Variants in UNKL observed in about 807,000 individuals in gnomAD.
UNKL encodes the protein unk like zinc finger.
Under a neutral mutation model 78.0 loss-of-function variants are expected in UNKL, and 60 were observed. That is an observed-to-expected ratio of 0.77 (90% CI 0.63 to 0.95). The LOEUF (loss-of-function observed/expected upper bound fraction) is 0.95. Ranked by LOEUF, UNKL falls within the 40% of genes least tolerant of loss-of-function variation. The pLI is 0.00. For missense variants in UNKL, 1,159 were observed against 1,045.7 expected, an observed-to-expected ratio of 1.11 and a Z score of -1.49; for synonymous variants, 608 against 474.8, an observed-to-expected ratio of 1.28 and a Z score of -3.65.
At chr16:1,411,717 C>T (rs1023889170) in intron 2 of UNKL, among the ~76,000 whole-genome samples, 2 of 151,890 alleles carry the variant, frequency 1.3e-5, no homozygotes, top group African/African-American at 2.4e-5. Flanking sequence ...CCCAGCTACT[C>T]GGGAGGCTGA....
Position 1,366,111 on chromosome 16 carries a change from G to C in UNKL, c.*129C>G, listed in dbSNP as rs972711429. 2 of 1,166,004 alleles carry C rather than the reference G, an allele frequency of 1.7e-6. No individual in the cohort carries two copies. Among genetic ancestry groups the C allele is most frequent in the South Asian group, 2.0e-5 (1 of 50,558 alleles). 72.2% of individuals were successfully genotyped at this position (1,166,004 alleles called of 1,614,324 possible). A position where few individuals can be genotyped will look rare whatever the true frequency, so the allele number is the denominator to read the frequency against. On this transcript the variant is annotated 3_prime_UTR_variant, in exon 15 of 15. Transcript: ENST00000389221. ...GCGGGGCTCCCAGCCTCATGATAAC[G>C]TGTAACAGGAAGGGCTCCCAGCCTC...
chr16:1,410,159 G>A (rs544567374), intron 2 of UNKL, among the ~76,000 whole-genome samples: 10 of 152,228 alleles, frequency 6.6e-5, no homozygotes, highest in Admixed American at 4.6e-4. Flanking sequence ...CCAGCACTTT[G>A]GGAGGCTAAG....
intron 11 of UNKL, among the ~76,000 whole-genome samples, chr16:1,370,854 C>A (rs1394519168): frequency 6.6e-6 from 1 of 152,152 alleles, no homozygotes; most frequent in South Asian, 2.1e-4. Flanking sequence ...GAGGCCAAGG[C>A]GGGCAGATCA....
At position 1,363,356 on chromosome 16, in the gene UNKL, C is replaced by T. The variant is rs1205668717; in HGVS notation, c.*2884G>A. The T allele has an allele frequency of 4.3e-6, 2 of 467,884 alleles. No individual in the cohort carries two copies. The highest frequency in any genetic ancestry group is 7.9e-6 in the Non-Finnish European group (2 of 254,610). 29.0% of individuals were successfully genotyped at this position (467,884 alleles called of 1,614,324 possible). The stretch of plus-strand genomic sequence containing the variant: ...AGTAAATGATTATAAATACTACCTT[C>T]TGGGTTAAGAAAATTCCATTCAAAT... On this transcript the variant is annotated 3_prime_UTR_variant, in exon 15 of 15. Transcript: ENST00000389221.
chr16:1,370,201 G>T lies in UNKL; in HGVS notation c.1514C>A (p.Pro505His), dbSNP rs761452264. Residue 505 changes from proline (P) to histidine (H), a missense_variant, in exon 12 of 15, where the codon CCC becomes CAC. Coordinates refer to ENST00000389221, the MANE Select transcript of UNKL (RefSeq NM_001372107.1). ...GPVGSSAMTP[P>H]QQPPPLRSEP... ...TGAACGCAGGGGTGGCGGCTGCTGG[G>T]GAGGCGTCATGGCTGAGGAGCCCAC... 1.3e-6 allele frequency: 2 copies of T among 1,524,338 alleles called. No individual in the cohort carries two copies. The highest frequency in any genetic ancestry group is 1.2e-5 in the South Asian group (1 of 82,574). The allele number at this position is 1,524,338 out of a possible 1,614,324, so 94.4% of individuals were successfully genotyped here. A position where few individuals can be genotyped will look rare whatever the true frequency, so the allele number is the denominator to read the frequency against.
chr16:1,379,864 G>A (rs1484789847), intron 10 of UNKL, among the ~76,000 whole-genome samples: 6 of 152,176 alleles, frequency 3.9e-5, no homozygotes, highest in Non-Finnish European at 7.4e-5. Flanking sequence ...GCGGGCAGCG[G>A]GGGCCAGAGG....
chr16:1,397,191 T>C lies in UNKL; in HGVS notation c.839A>G (p.Gln280Arg). The C allele has an allele frequency of 6.5e-7, 1 of 1,547,494 alleles. No individual in the cohort carries two copies. Among genetic ancestry groups the C allele is most frequent in the African/African-American group, 1.4e-5 (1 of 73,152 alleles). ...CQYCHSRTEQ[Q>R]FHPEIYKSTK... Reference sequence around the variant, plus strand: ...GGAGGGACGTACCTCGGGATGGAACTGCTGCTCCGTGCGGGAGTGGCAATA... The same window carrying C: ...GGAGGGACGTACCTCGGGATGGAACCGCTGCTCCGTGCGGGAGTGGCAATA... Residue 280 changes from glutamine to arginine, a missense_variant, in exon 6 of 15, where the codon CAG becomes CGG. Physicochemically the swap from Gln to Arg is conservative, Grantham distance 43. Coordinates refer to ENST00000389221, the MANE Select transcript of UNKL (RefSeq NM_001372107.1).
At position 1,394,156 on chromosome 16, in the gene UNKL, G is replaced by A; in HGVS notation, c.912C>T (p.Pro304=). 6.4e-7 allele frequency: 1 copy of A among 1,550,738 alleles called. No homozygotes were observed. The highest frequency in any genetic ancestry group is 8.7e-7 in the Non-Finnish European group (1 of 1,147,020). ...MRQTGYCPRG[P]FCAFAHVEKS... is the part of the protein sequence containing the mutation. ...TCTCAACGTGTGCAAAGGCACAGAA[G>A]GGGCCGCGCGGGCAGTACCCGGTTT... The change falls in exon 7 of 15, where the codon CCC becomes CCT. Residue 304 remains proline, a synonymous_variant. Transcript: ENST00000389221.
chr16:1,368,970 C>A (rs993400471), intron 12 of UNKL, among the ~76,000 whole-genome samples: 2 of 151,682 alleles, frequency 1.3e-5, no homozygotes, highest in Non-Finnish European at 2.9e-5. Flanking sequence ...TGGTCTTGAA[C>A]CCCTGGCCTC....
At chr16:1,398,679 G>GCGGCGC in intron 5 of UNKL, 1 of 1,356,386 alleles carries the variant, frequency 7.4e-7, no homozygotes, top group African/African-American at 1.5e-5. Flanking sequence ...TGTGGGGTCT[G>GCGGCGC]CACCCCCCCA....
At chr16:1,380,901 C>G (rs971599046) in intron 10 of UNKL, among the ~76,000 whole-genome samples, 1 of 152,110 alleles carries the variant, frequency 6.6e-6, no homozygotes, top group African/African-American at 2.4e-5. Context: ...TCTTGAACTC[C>G]TGACCTCAGG....
intron 8 of UNKL, among the ~76,000 whole-genome samples, chr16:1,391,238 A>G (rs2037035714): frequency 1.5e-5 from 1 of 67,194 alleles, no homozygotes; most frequent in Non-Finnish European, 2.7e-5. Flanking sequence ...TCCCTTAAAG[A>G]TACACACACA....
intron 10 of UNKL, among the ~76,000 whole-genome samples, chr16:1,381,514 G>C (rs1041607685): frequency 1.3e-5 from 2 of 152,286 alleles, no homozygotes; most frequent in East Asian, 3.9e-4. Flanking sequence ...CAGCTACTCC[G>C]GAGGCTGAGG....
At chr16:1,370,028 G>A (rs1345955609) in intron 12 of UNKL, 102 bp downstream of exon 12, 16 of 1,551,168 alleles carry the variant, frequency 1.0e-5, no homozygotes, top group Non-Finnish European at 1.4e-5. Flanking sequence ...CCACAGATAG[G>A]GCACAAGGTT....
chr16:1,410,770 C>T (rs1435725815), intron 2 of UNKL, among the ~76,000 whole-genome samples: 2 of 152,172 alleles, frequency 1.3e-5, no homozygotes, highest in Admixed American at 6.5e-5. Context: ...AGGGGCTGAG[C>T]CCAGACATCA....
intron 2 of UNKL, chr16:1,406,092 G>C (rs1018263102): frequency 1.8e-5 from 8 of 456,468 alleles, no homozygotes; most frequent in African/African-American, 1.6e-4. Flanking sequence ...TTAGGAGACA[G>C]GCAGTGTACA....
At chr16:1,409,552 C>T (rs546026990) in intron 2 of UNKL, among the ~76,000 whole-genome samples, 2 of 152,170 alleles carry the variant, frequency 1.3e-5, no homozygotes, top group African/African-American at 2.4e-5. Context: ...CAAAACAAAA[C>T]ACCAAACAGG....
At chr16:1,372,626 G>A (rs538532699) in intron 10 of UNKL, among the ~76,000 whole-genome samples, 25 of 152,288 alleles carry the variant, frequency 1.6e-4, no homozygotes, top group Admixed American at 7.8e-4. Flanking sequence ...TCAAACTCCC[G>A]CAGCCACTGC....
rs2037366212 is a variant in UNKL, at chr16:1,398,348, G to A, written c.734+1026C>T. The stretch of plus-strand genomic sequence containing the variant: ...TATTGTAACTGATTTGTATTTATGG[G>A]ACACATTAAGTGCCTGTTGAAAAAA... On this transcript the variant is annotated intron_variant, in intron 5 of 14. Coordinates refer to ENST00000389221, the MANE Select transcript of UNKL (RefSeq NM_001372107.1). 5 of 1,017,056 alleles carry A rather than the reference G, an allele frequency of 4.9e-6. No individual in the cohort carries two copies. In the African/African-American group the frequency reaches 7.0e-5, roughly 14 times the overall value. The allele number at this position is 1,017,056 out of a possible 1,614,324, so 63.0% of individuals were successfully genotyped here. A position where few individuals can be genotyped will look rare whatever the true frequency, so the allele number is the denominator to read the frequency against.
Sources: gnomAD v4.1 joint callset for allele counts (sites outside exome capture counted in the v4.1 genomes callset) on GRCh38, gnomAD v4.1.1 for gene constraint, MANE v1.5 for transcripts, NCBI Gene and HGNC (gene_info 2026-07-23, HGNC 2026-07-21) for gene names.